TMEM179: variants seen among roughly 807,000 people sequenced by gnomAD.
TMEM179 encodes transmembrane protein 179.
In TMEM179, 17 loss-of-function variants were observed where a neutral mutation model predicts 22.2. The ratio of observed to expected loss-of-function variants is 0.77; its 90% CI spans 0.52 to 1.15. The LOEUF is 1.15. TMEM179 is among the 50% of genes most tolerant of loss of function. TMEM179 has a pLI of 0.00. For synonymous variants in TMEM179, 127 were observed against 140.5 expected, an observed-to-expected ratio of 0.90 and a Z score of 0.68; for missense variants, 265 against 313.6, an observed-to-expected ratio of 0.84 and a Z score of 1.17.
At chr14:104,598,685 C>T (rs546523893) in intron 1 of TMEM179, among the ~76,000 whole-genome samples, 9 of 152,212 alleles carry the variant, frequency 5.9e-5, no homozygotes, top group Admixed American at 3.9e-4. Context: ...TCAGAGCAGG[C>T]GACACCAGGC....
chr14:104,593,623 G>A lies in TMEM179; in HGVS notation c.558C>T (p.Ala186=). ...GLWASWLAWL[A]ITTLAFLKVY... ...CCTTCAGGAAGGCCAGCGTGGTGAT[G>A]GCCAGCCAGGCCAGCCATGAGGCCC... Residue 186 remains alanine, a synonymous_variant, in exon 4 of 4, where the codon GCC becomes GCT. Coordinates refer to ENST00000556573, the MANE Select transcript of TMEM179 (RefSeq NM_001286389.2). The A allele has an allele frequency of 1.3e-6, 2 of 1,486,896 alleles. No homozygotes were observed. The highest frequency in any genetic ancestry group is 8.9e-7 in the Non-Finnish European group (1 of 1,119,002). The allele number at this position is 1,486,896 out of a possible 1,614,324, so 92.1% of individuals were successfully genotyped here. A position where few individuals can be genotyped will look rare whatever the true frequency, so the allele number is the denominator to read the frequency against.
chr14:104,600,765 C>T (rs951765903), intron 1 of TMEM179, among the ~76,000 whole-genome samples: 1 of 152,190 alleles, frequency 6.6e-6, no homozygotes, highest in South Asian at 2.1e-4. Flanking sequence ...ATGAAAGACA[C>T]CCCCATAGGA....
rs1886899604 is a variant in TMEM179, at chr14:104,593,213, G to A, written c.*266C>T. On this transcript the variant is annotated 3_prime_UTR_variant, in exon 4 of 4. Coordinates refer to ENST00000556573, the MANE Select transcript of TMEM179 (RefSeq NM_001286389.2). ...GGGACAGCCAAGGGGCCCTGTGCGA[G>A]GCCTGGAGGTGCCCCCCGCCCCCGC... 2 of 543,226 alleles carry A rather than the reference G, an allele frequency of 3.7e-6. No homozygotes were observed. Among genetic ancestry groups the A allele is most frequent in the Admixed American group, 3.5e-5 (1 of 28,442 alleles). The allele number at this position is 543,226 out of a possible 1,614,324, so 33.7% of individuals were successfully genotyped here. A position where few individuals can be genotyped will look rare whatever the true frequency, so the allele number is the denominator to read the frequency against.
intron 1 of TMEM179, among the ~76,000 whole-genome samples, chr14:104,601,796 C>G (rs1324156673): frequency 2.0e-5 from 3 of 152,180 alleles, no homozygotes; most frequent in East Asian, 1.9e-4. Context: ...CCCTTCCTGA[C>G]AGCAGGAGCT....
intron 1 of TMEM179, among the ~76,000 whole-genome samples, chr14:104,600,412 G>A (rs113475729): frequency 0.019 from 2,836 of 152,312 alleles, 105 homozygotes; most frequent in African/African-American, 0.065. Flanking sequence ...CGGGCAGGCA[G>A]ATGAGTTTAA....
At position 104,597,346 on chromosome 14, in the gene TMEM179, C is replaced by T. The variant is rs1221917891; in HGVS notation, c.306-219G>A. 5.3e-5 allele frequency among the ~76,000 whole-genome samples: 8 copies of T among 150,354 alleles called. No homozygotes were observed. Among genetic ancestry groups the T allele is most frequent in the South Asian group, 4.2e-4 (2 of 4,812 alleles). ...CTGCCTGCGGTCCCTCGGGCAGCTCCGTGTGCCCACCCTGGGCTGCAGGTC... is the reference window on the plus strand; with the variant it reads ...CTGCCTGCGGTCCCTCGGGCAGCTCTGTGTGCCCACCCTGGGCTGCAGGTC... On this transcript the variant is annotated intron_variant, in intron 1 of 3. Transcript: ENST00000556573. The surrounding 1 kb of genome is among the most constrained non-coding windows in gnomAD (Gnocchi z 4.8).
Position 104,596,391 on chromosome 14 carries a change from T to C in TMEM179, c.443+599A>G, listed in dbSNP as rs77660576. 6.6e-3 allele frequency among the ~76,000 whole-genome samples: 1,007 copies of C among 152,214 alleles called. 10 individuals carry two copies. The highest frequency in any genetic ancestry group is 0.023 in the African/African-American group (958 of 41,532). ...AAGCCAGATGATGCCCCTGCTAAGA[T>C]CCCAGAGGGACCACCATGGCTCAAA... On this transcript the variant is annotated intron_variant, in intron 2 of 3. Transcript: ENST00000556573.
chr14:104,592,273 T>A lies in TMEM179; in HGVS notation c.*1206A>T, dbSNP rs1886873174. On this transcript the variant is annotated 3_prime_UTR_variant, in exon 4 of 4. Transcript: ENST00000556573. ...CTAGACACTCACACCTACACACTCT[T>A]CCTCACACTCACATGCATGCACACT... 1 of 153,834 alleles carries A rather than the reference T, an allele frequency of 6.5e-6. No homozygotes were observed. The highest frequency in any genetic ancestry group is 1.9e-4 in the South Asian group (1 of 5,310). 9.5% of individuals were successfully genotyped at this position (153,834 alleles called of 1,614,324 possible). A position where few individuals can be genotyped will look rare whatever the true frequency, so the allele number is the denominator to read the frequency against.
In TMEM179 at chr14:104,597,147, G is replaced by C. The variant is rs766028278; in HGVS notation, c.306-20C>G. 7 of 1,569,628 alleles carry C rather than the reference G, an allele frequency of 4.5e-6. No individual in the cohort carries two copies. In the South Asian group the frequency reaches 5.8e-5, roughly 13 times the overall value. On this transcript the variant is annotated intron_variant, in intron 1 of 3. Coordinates refer to ENST00000556573, the MANE Select transcript of TMEM179 (RefSeq NM_001286389.2). The surrounding 1 kb of genome is among the most constrained non-coding windows in gnomAD (Gnocchi z 4.8). ...AAGGAGCTGCAGCCAGAAACAGGAG[G>C]GGCAGGCTCACTGGACACCACCTCC...
intron 3 of TMEM179, chr14:104,593,982 C>T (rs962436576): frequency 1.7e-6 from 2 of 1,147,264 alleles, no homozygotes; most frequent in Non-Finnish European, 1.1e-6. Context: ...GTGGCGAGTG[C>T]TTTCTCCTCC....
chr14:104,599,521 C>T (rs1887166681), intron 1 of TMEM179, among the ~76,000 whole-genome samples: 2 of 152,206 alleles, frequency 1.3e-5, no homozygotes, highest in Admixed American at 6.5e-5. Context: ...GGTGAGCCAT[C>T]TGCTGCTGCT....
rs758995243 is a variant in TMEM179, at chr14:104,604,595, G to A, written c.147C>T (p.Ser49=). Residue 49 remains serine, a synonymous_variant, in exon 1 of 4, where the codon AGC becomes AGT. Coordinates refer to ENST00000556573, the MANE Select transcript of TMEM179 (RefSeq NM_001286389.2). The surrounding 1 kb of genome is among the most constrained non-coding windows in gnomAD (Gnocchi z 4.6). Reference sequence around the variant, plus strand: ...CGCGCTCCTGCACCGTGAGGTTGGCGCTCAGCCACATGCCCTCGGTGAAGA... The same window carrying A: ...CGCGCTCCTGCACCGTGAGGTTGGCACTCAGCCACATGCCCTCGGTGAAGA... ...CLLFTEGMWL[S]ANLTVQERER... 27 of 1,552,906 alleles carry A rather than the reference G, an allele frequency of 1.7e-5. No individual in the cohort carries two copies. The Admixed American group carries it at 5.2e-4, about 30-fold the overall frequency.
intron 1 of TMEM179, among the ~76,000 whole-genome samples, chr14:104,602,890 G>A (rs922264269): frequency 2.6e-5 from 4 of 152,190 alleles, no homozygotes; most frequent in South Asian, 2.1e-4. Flanking sequence ...CCTGGTACCC[G>A]TGACTGTGAC....
chr14:104,604,244 G>T lies in TMEM179; in HGVS notation c.305+193C>A, dbSNP rs1254360983. On this transcript the variant is annotated intron_variant, in intron 1 of 3. Transcript: ENST00000556573. This position sits in a 1 kb window ranked among gnomAD's most constrained non-coding sequence, Gnocchi z 4.6. ...CACTGGCCTTGTACGCAGGACCGGT[G>T]GTCGTCATGGTCCCTGGATGTGTGT... 6.6e-6 allele frequency among the ~76,000 whole-genome samples: 1 copy of T among 152,208 alleles called. No homozygotes were observed. Among genetic ancestry groups the T allele is most frequent in the Non-Finnish European group, 1.5e-5 (1 of 68,034 alleles).
At chr14:104,603,538 G>GTGGGTTCACAGAGGGAGTGGA (rs1887308629) in intron 1 of TMEM179, among the ~76,000 whole-genome samples, 1 of 147,084 alleles carries the variant, frequency 6.8e-6, no homozygotes, top group Admixed American at 6.8e-5. Context: ...GAGGGAGTGG[G>GTGGGTTCACAGAGGGAGTGGA]TGGGCTCACA....
chr14:104,601,384 T>C (rs1887233385), intron 1 of TMEM179, among the ~76,000 whole-genome samples: 1 of 152,186 alleles, frequency 6.6e-6, no homozygotes, highest in South Asian at 2.1e-4. Flanking sequence ...CCATCCCCTG[T>C]GCTCAGCCCT....
chr14:104,600,435 C>T (rs1887195815), intron 1 of TMEM179, among the ~76,000 whole-genome samples: 1 of 152,246 alleles, frequency 6.6e-6, no homozygotes, highest in Non-Finnish European at 1.5e-5. Context: ...CAGCATCCCT[C>T]CGGCCCGCCA....
intron 1 of TMEM179, among the ~76,000 whole-genome samples, chr14:104,599,612 CAG>C (rs1887171436): frequency 6.6e-6 from 1 of 152,206 alleles, no homozygotes; most frequent in Admixed American, 6.5e-5. Context: ...CCTATAGTCA[CAG>C]AGCGGAACGC....
chr14:104,597,192 G>T lies in TMEM179; in HGVS notation c.306-65C>A. 6.6e-7 allele frequency: 1 copy of T among 1,515,650 alleles called. No homozygotes were observed. The highest frequency in any genetic ancestry group is 8.8e-7 in the Non-Finnish European group (1 of 1,134,094). The allele number at this position is 1,515,650 out of a possible 1,614,324, so 93.9% of individuals were successfully genotyped here. A position where few individuals can be genotyped will look rare whatever the true frequency, so the allele number is the denominator to read the frequency against. On this transcript the variant is annotated intron_variant, in intron 1 of 3. Transcript: ENST00000556573. The surrounding 1 kb of genome is among the most constrained non-coding windows in gnomAD (Gnocchi z 4.8). ...ACCTCCCAGGCGACCCCCGCCCCCA[G>T]GCTGCAGCCAGAAACAGGAGGGGCA...
Sources: allele counts gnomAD v4.1 joint callset (sites outside exome capture counted in the v4.1 genomes callset), GRCh38; gene constraint gnomAD v4.1.1; non-coding constraint Gnocchi (gnomAD v3.1); transcripts MANE v1.5; gene names NCBI Gene and HGNC (gene_info 2026-07-23, HGNC 2026-07-21).